SOX6: variants seen among roughly 807,000 people sequenced by gnomAD.
SOX6 encodes the protein SRY-box transcription factor 6, also known as transcription factor SOX-6.
Under a neutral mutation model 97.8 loss-of-function variants are expected in SOX6, and 11 were observed. The observed-to-expected ratio is 0.11, with a 90% CI of 0.07 to 0.19. The LOEUF (loss-of-function observed/expected upper bound fraction) is 0.19. Ranked by LOEUF, SOX6 falls within the 10% of genes least tolerant of loss-of-function variation. The probability of loss-of-function intolerance (pLI) is 1.00; values close to 1 mark genes in which losing one functional copy is unlikely to be tolerated. For missense variants in SOX6, 810 were observed against 1,039.5 expected, an observed-to-expected ratio of 0.78 and a Z score of 3.04; for synonymous variants, 360 against 371.4, an observed-to-expected ratio of 0.97 and a Z score of 0.35.
chr11:16,253,146 G>A (rs186050443), intron 3 of SOX6, among the ~76,000 whole-genome samples: 1 of 152,200 alleles, frequency 6.6e-6, no homozygotes, highest in East Asian at 1.9e-4. Flanking sequence ...TAGGGAGTTC[G>A]AGACCAGCCT....
At chr11:16,075,170 G>A (rs536380437) in intron 9 of SOX6, among the ~76,000 whole-genome samples, 1 of 152,130 alleles carries the variant, frequency 6.6e-6, no homozygotes, top group East Asian at 1.9e-4. Flanking sequence ...TAGAATAACT[G>A]GCTATCTGTA....
In SOX6 at chr11:16,334,900, A is replaced by G. The variant is rs77081548; in HGVS notation, c.237+6112T>C. Reference sequence around the variant, plus strand: ...GTATCATACCAGTAACCCTTTGTTTAATTTAAACAATTTAGATTTGGGGAA... The same window carrying G: ...GTATCATACCAGTAACCCTTTGTTTGATTTAAACAATTTAGATTTGGGGAA... On this transcript the variant is annotated intron_variant, in intron 2 of 15. Coordinates refer to ENST00000683767, the MANE Select transcript of SOX6 (RefSeq NM_001367873.1). 4.3e-4 allele frequency among the ~76,000 whole-genome samples: 66 copies of G among 152,224 alleles called. No homozygotes were observed. In the South Asian group the frequency reaches 4.8e-3, roughly 11 times the overall value.
intron 4 of SOX6, among the ~76,000 whole-genome samples, chr11:16,600,115 G>A (rs1848251916): frequency 6.6e-6 from 1 of 152,256 alleles, no homozygotes; most frequent in Non-Finnish European, 1.5e-5. Flanking sequence ...GCAACCGCCT[G>A]CATGATGCAC....
chr11:16,345,735 A>G (rs1590144127), intron 1 of SOX6, among the ~76,000 whole-genome samples: 1 of 152,040 alleles, frequency 6.6e-6, no homozygotes, highest in South Asian at 2.1e-4. Context: ...TTCTGATTTG[A>G]CATTATTCTT....
At chr11:16,324,264 A>C (rs924921774) in intron 2 of SOX6, among the ~76,000 whole-genome samples, 1 of 152,260 alleles carries the variant, frequency 6.6e-6, no homozygotes, top group Non-Finnish European at 1.5e-5. Flanking sequence ...AGGATTGCTT[A>C]AGCTAAACAT....
chr11:16,060,270 C>A (rs1374766218), intron 9 of SOX6, among the ~76,000 whole-genome samples: 2 of 151,764 alleles, frequency 1.3e-5, no homozygotes, highest in African/African-American at 2.4e-5. Flanking sequence ...CTCTGATAAT[C>A]ATTTATTTTA....
At chr11:16,609,323 A>G (rs1164087812) in intron 4 of SOX6, among the ~76,000 whole-genome samples, 1 of 152,210 alleles carries the variant, frequency 6.6e-6, no homozygotes, top group Non-Finnish European at 1.5e-5. Flanking sequence ...CATCAAGATA[A>G]AAGCTGGGAA....
At chr11:16,097,719 G>A (rs372658285) in intron 7 of SOX6, 31 bp from the exon 8 acceptor site, 3 of 1,577,744 alleles carry the variant, frequency 1.9e-6, no homozygotes, top group Admixed American at 3.4e-5. Flanking sequence ...TACAGGTTTA[G>A]ACAATGCACA....
At chr11:16,499,039 A>C (rs995536993) in intron 4 of SOX6, among the ~76,000 whole-genome samples, 4 of 152,214 alleles carry the variant, frequency 2.6e-5, no homozygotes, top group African/African-American at 9.6e-5. Context: ...CTATTCCAAA[A>C]TTGACCACAT....
intron 4 of SOX6, among the ~76,000 whole-genome samples, chr11:16,596,859 A>C (rs1848217460): frequency 6.6e-6 from 1 of 152,196 alleles, no homozygotes; most frequent in South Asian, 2.1e-4. Context: ...ACTGATGTTT[A>C]ATGCTTCTGA....
intron 1 of SOX6, among the ~76,000 whole-genome samples, chr11:16,446,926 TTC>T (rs905243658): frequency 1.3e-5 from 2 of 148,220 alleles, no homozygotes; most frequent in Non-Finnish European, 3.0e-5. Flanking sequence ...CTTTCTTTCT[TTC>T]TGTTTCTTTC....
chr11:16,022,798 T>C (rs117424813), intron 12 of SOX6, among the ~76,000 whole-genome samples: 2,888 of 152,244 alleles, frequency 0.019, 46 homozygotes, highest in Non-Finnish European at 0.032. Flanking sequence ...AGCTGGATAA[T>C]TATTCACTAC....
chr11:16,169,746 G>C (rs1850981871), intron 6 of SOX6, among the ~76,000 whole-genome samples: 2 of 151,998 alleles, frequency 1.3e-5, no homozygotes, highest in African/African-American at 4.8e-5. Context: ...TTCCACTTGA[G>C]ACAGAAAAGA....
chr11:16,437,301 T>A lies in SOX6; in HGVS notation c.-5+39014A>T, dbSNP rs536797984. Reference sequence around the variant, plus strand: ...TTTTTTTAAAAAAAAGGTAAGGGCCTTAGAAATTCTCTCTCCTGAACTATT... The same window carrying A: ...TTTTTTTAAAAAAAAGGTAAGGGCCATAGAAATTCTCTCTCCTGAACTATT... On this transcript the variant is annotated intron_variant, in intron 1 of 15. Transcript: ENST00000396356. Among the ~76,000 whole-genome samples, 4 of 151,832 alleles carry A rather than the reference T, an allele frequency of 2.6e-5. No homozygotes were observed. The South Asian group carries it at 8.4e-4, about 32-fold the overall frequency.
chr11:16,027,142 C>T (rs1017004226), intron 12 of SOX6, among the ~76,000 whole-genome samples: 3 of 152,112 alleles, frequency 2.0e-5, no homozygotes, highest in African/African-American at 4.8e-5. Context: ...CCAAATGTAA[C>T]GATAATACTC....
At chr11:16,324,848 ATCACATGTTCTCAC>A (rs1435770753) in intron 2 of SOX6, among the ~76,000 whole-genome samples, 1 of 152,164 alleles carries the variant, frequency 6.6e-6, no homozygotes, top group African/African-American at 2.4e-5. Flanking sequence ...AAAGACAAAT[ATCACATGTTCTCAC>A]TCACATGTGA....
At chr11:16,375,171 A>T (rs150434952) in intron 1 of SOX6, among the ~76,000 whole-genome samples, 43 of 152,198 alleles carry the variant, frequency 2.8e-4, no homozygotes, top group African/African-American at 1.0e-3. Flanking sequence ...ATTAACTAAC[A>T]CTTCAAAGCT....
intron 1 of SOX6, among the ~76,000 whole-genome samples, chr11:16,381,025 T>C (rs978701297): frequency 1.3e-5 from 2 of 152,076 alleles, no homozygotes; most frequent in Admixed American, 1.3e-4. Flanking sequence ...ATAGATTCTT[T>C]AGCTTTATAA....
intron 4 of SOX6, among the ~76,000 whole-genome samples, chr11:16,227,303 C>T (rs1449369369): frequency 6.6e-6 from 1 of 152,172 alleles, no homozygotes; most frequent in African/African-American, 2.4e-5. Flanking sequence ...GATAACATTC[C>T]ACCAGCATGG....
Sources: gnomAD v4.1 joint callset for allele counts (sites outside exome capture counted in the v4.1 genomes callset) on GRCh38, gnomAD v4.1.1 for gene constraint, MANE v1.5 for transcripts, NCBI Gene and HGNC (gene_info 2026-07-23, HGNC 2026-07-21) for gene names.